Variants in SCN10A observed in about 807,000 individuals in gnomAD.
SCN10A encodes the protein sodium channel protein type 10 subunit alpha.
SCN10A carries 162 observed loss-of-function variants against 170.7 expected under a neutral mutation model. The observed-to-expected ratio is 0.95, with a 90% CI of 0.84 to 1.08. SCN10A has a LOEUF of 1.08. Ranked by LOEUF, SCN10A falls within the 50% of genes least tolerant of loss-of-function variation. SCN10A has a pLI of 0.00. For missense variants in SCN10A, 2,527 were observed against 2,436.9 expected (o/e 1.04, Z -0.78); for synonymous variants, 985 against 904.6 (o/e 1.09, Z -1.59).
chr3:38,698,625 C>A, intron 27 of SCN10A, 63 bp from the exon 28 acceptor site: 1 of 1,495,170 alleles, frequency 6.7e-7, no homozygotes, highest in African/African-American at 1.4e-5. Flanking sequence ...ACAAAGTTGG[C>A]TGTGATGACA....
Position 38,701,942 on chromosome 3 carries a change from G to T in SCN10A, c.4554C>A (p.Val1518=). The part of the protein sequence containing the change: ...LGKINQFFVA[V]FTGECVMKMF... ...TCTTCATGACACATTCGCCTGTGAA[G>T]ACGGCCACAAAGAACTGGTTGATTT... The change falls in exon 27 of 28, where the codon GTC becomes GTA. Residue 1518 remains valine, a synonymous_variant. Transcript: ENST00000449082. 1.2e-6 allele frequency: 2 copies of T among 1,614,206 alleles called. No homozygotes were observed. Among genetic ancestry groups the T allele is most frequent in the Non-Finnish European group, 1.7e-6 (2 of 1,180,028 alleles).
intron 13 of SCN10A, among the ~76,000 whole-genome samples, chr3:38,747,045 T>C (rs1238792205): frequency 2.0e-5 from 3 of 152,200 alleles, no homozygotes; most frequent in Admixed American, 1.3e-4. Context: ...GTGTCTCATG[T>C]GTGTAATGAA....
At chr3:38,806,250 T>C (rs927436034) in intron 1 of SCN10A, among the ~76,000 whole-genome samples, 1 of 152,142 alleles carries the variant, frequency 6.6e-6, no homozygotes, top group Admixed American at 6.5e-5. Context: ...AGAATGGAGA[T>C]CCAAACGAAG....
chr3:38,727,453 A>C (rs1234238806), intron 16 of SCN10A, among the ~76,000 whole-genome samples: 1 of 152,186 alleles, frequency 6.6e-6, no homozygotes, highest in Non-Finnish European at 1.5e-5. Context: ...AGAGCAGATG[A>C]AGAGCGGTTG....
In SCN10A at chr3:38,711,044, GT is replaced by G. The variant is rs2063268470; in HGVS notation, c.4090-148del. On this transcript the variant is annotated intron_variant, in intron 23 of 27. Coordinates refer to ENST00000449082, the MANE Select transcript of SCN10A (RefSeq NM_006514.4). ...AGAATGAAAGGAAAAGTTCCCTTGG[GT>G]TACTTGACTAATCTCATATGATGAT... The G allele has an allele frequency of 6.2e-6, 4 of 643,908 alleles. No individual in the cohort carries two copies. The South Asian group carries it at 7.7e-5, about 12-fold the overall frequency. The allele number at this position is 643,908 out of a possible 1,614,324, so 39.9% of individuals were successfully genotyped here.
Position 38,752,244 on chromosome 3 carries a change from A to T in SCN10A, c.1730T>A (p.Leu577His), listed in dbSNP as rs1060501716. ...CGAGACATCGACAGCTCCAGGGGCA[A>T]GCTCACTAGTGGGCGGCGGTTGGTG... ...DEHQPPPTSELAPGAVDVSAF... is the reference protein window; with the variant it reads ...DEHQPPPTSEHAPGAVDVSAF... Residue 577 changes from leucine (L) to histidine (H), a missense_variant, in exon 12 of 28, where the codon CTT (leucine) becomes CAT (histidine). Leu to His is a moderately conservative substitution (Grantham distance 99). Coordinates refer to ENST00000449082, the MANE Select transcript of SCN10A (RefSeq NM_006514.4). 1.3e-5 allele frequency: 20 copies of T among 1,545,418 alleles called. No homozygotes were observed. Among genetic ancestry groups the T allele is most frequent in the Non-Finnish European group, 1.5e-5 (17 of 1,145,008 alleles).
intron 5 of SCN10A, among the ~76,000 whole-genome samples, chr3:38,765,000 A>G (rs955159736): frequency 5.3e-5 from 8 of 152,014 alleles, no homozygotes; most frequent in Non-Finnish European, 1.2e-4. Context: ...GGCCATTTAT[A>G]TATCTTCTTT....
At chr3:38,803,375 C>T (rs2064385396) in intron 1 of SCN10A, among the ~76,000 whole-genome samples, 2 of 152,060 alleles carry the variant, frequency 1.3e-5, no homozygotes, top group African/African-American at 2.4e-5. Flanking sequence ...GCACTATTCA[C>T]AATAGCAAAG....
In SCN10A at chr3:38,713,953, C is replaced by G. The variant is rs772891496; in HGVS notation, c.3804+5G>C. Reference sequence around the variant, plus strand: ...AGATGAGAGAAGTTTTGAGATCAGACTTACCCGCATGCCTTCAAATCGAGA... The same window carrying G: ...AGATGAGAGAAGTTTTGAGATCAGAGTTACCCGCATGCCTTCAAATCGAGA... On this transcript the variant is annotated splice_donor_5th_base_variant and intron_variant, in intron 22 of 27. Transcript: ENST00000449082. 2.5e-6 allele frequency: 4 copies of G among 1,612,966 alleles called. No homozygotes were observed. The highest frequency in any genetic ancestry group is 2.7e-5 in the African/African-American group (2 of 74,912).
rs868701898 is a variant in SCN10A at position 38,792,142 on chromosome 3, C to T, written c.297G>A (p.Arg99=). 5 of 1,613,652 alleles carry T rather than the reference C, an allele frequency of 3.1e-6. No individual in the cohort carries two copies. Among genetic ancestry groups the T allele is most frequent in the Non-Finnish European group, 4.2e-6 (5 of 1,179,804 alleles). ...HRTFMVLNKG[R]TISRFSATRA... ...GAGTGGCACTAAACCGGGAAATGGT[C>T]CTCCCTTTGTTCAGCACCATAAATG... The change falls in exon 3 of 28, where the codon AGG becomes AGA. Residue 99 remains arginine (R), a synonymous_variant. Transcript: ENST00000449082.
intron 11 of SCN10A, among the ~76,000 whole-genome samples, chr3:38,753,381 C>T (rs997788300): frequency 6.6e-6 from 1 of 152,152 alleles, no homozygotes; most frequent in Non-Finnish European, 1.5e-5. Flanking sequence ...TGACTTCATA[C>T]CAAACTCTGA....
At chr3:38,803,688 TA>T (rs2064387665) in intron 1 of SCN10A, among the ~76,000 whole-genome samples, 3 of 148,462 alleles carry the variant, frequency 2.0e-5, no homozygotes, top group Admixed American at 2.0e-4. Flanking sequence ...TTAGGAGATA[TA>T]CCTAATGTAA....
At chr3:38,804,138 A>G (rs1016499989) in intron 1 of SCN10A, among the ~76,000 whole-genome samples, 4 of 152,196 alleles carry the variant, frequency 2.6e-5, no homozygotes, top group South Asian at 4.1e-4. Context: ...CTCACTTCAT[A>G]TAATTCTCTT....
intron 5 of SCN10A, among the ~76,000 whole-genome samples, chr3:38,770,732 C>A (rs925317358): frequency 7.2e-5 from 11 of 152,058 alleles, no homozygotes. Flanking sequence ...AAAATTTGTG[C>A]CCAGTTGAAA....
chr3:38,773,460 G>A (rs1055876109), intron 4 of SCN10A, among the ~76,000 whole-genome samples: 4 of 152,130 alleles, frequency 2.6e-5, no homozygotes, highest in African/African-American at 4.8e-5. Flanking sequence ...GTCAGAATGA[G>A]GCAGAAGATG....
chr3:38,796,977 T>C (rs1045594558), intron 1 of SCN10A, among the ~76,000 whole-genome samples: 1 of 152,036 alleles, frequency 6.6e-6, no homozygotes, highest in Non-Finnish European at 1.5e-5. Context: ...TGAATAGAGA[T>C]AATGGCGAAA....
At chr3:38,794,149 T>C in intron 1 of SCN10A, 107 bp from the exon 2 acceptor site, 1 of 760,842 alleles carries the variant, frequency 1.3e-6, no homozygotes. Context: ...CCCACCCTCA[T>C]ATCTGGCCCC....
rs2125978572 is a variant in SCN10A at position 38,697,428 on chromosome 3, C to CT, written c.5791dup (p.Arg1931LysfsTer8). Reference sequence around the variant, plus strand: ...TGAGCTAGATGTCCTCATGTTGACTCTATCACTAAGGCCTCTAGTGACACT... The same window carrying CT: ...TGAGCTAGATGTCCTCATGTTGACTCTTATCACTAAGGCCTCTAGTGACACT... On this transcript the variant is annotated frameshift_variant, in exon 28 of 28. Transcript: ENST00000449082. LOFTEE classifies it low-confidence loss of function (END_TRUNC). 1 of 1,614,196 alleles carries CT rather than the reference C, an allele frequency of 6.2e-7. No homozygotes were observed. The highest frequency in any genetic ancestry group is 8.5e-7 in the Non-Finnish European group (1 of 1,180,038).
chr3:38,747,717 G>A (rs2063706183), intron 13 of SCN10A, among the ~76,000 whole-genome samples: 2 of 152,208 alleles, frequency 1.3e-5, no homozygotes, highest in South Asian at 4.1e-4. Flanking sequence ...ACTGGGATGT[G>A]TTTGGGACAT....
Sources: allele counts gnomAD v4.1 joint callset (sites outside exome capture counted in the v4.1 genomes callset), GRCh38; gene constraint gnomAD v4.1.1; transcripts MANE v1.5; gene names NCBI Gene and HGNC (gene_info 2026-07-23, HGNC 2026-07-21).